KCNC1: variants seen among roughly 807,000 people sequenced by gnomAD.
KCNC1 encodes the protein potassium voltage-gated channel subfamily C member 1.
Under a neutral mutation model 43.4 loss-of-function variants are expected in KCNC1, and 8 were observed. The observed-to-expected ratio is 0.18, with a 90% CI of 0.11 to 0.33. The LOEUF is 0.33. Ranked by LOEUF, KCNC1 falls within the 10% of genes least tolerant of loss-of-function variation. The pLI, the probability that KCNC1 is intolerant of heterozygous loss-of-function variation, is 1.00. For missense variants in KCNC1, 420 were observed against 836.0 expected (o/e 0.50, Z 6.14); for synonymous variants, 361 against 360.5 (o/e 1.00, Z -0.01).
In KCNC1 at chr11:17,776,449, G is replaced by A. The variant is rs750282993; in HGVS notation, c.1505-3007G>A. ...TGGTGTGAACAGTAAGTACTTTGGCGGTGCCTGGAGACCAGGGCAGAAAAG... is the reference window on the plus strand; with the variant it reads ...TGGTGTGAACAGTAAGTACTTTGGCAGTGCCTGGAGACCAGGGCAGAAAAG... On this transcript the variant is annotated intron_variant, in intron 2 of 3. Coordinates refer to ENST00000265969, the MANE Select transcript of KCNC1 (RefSeq NM_001112741.2). The surrounding 1 kb of genome is among the most constrained non-coding windows in gnomAD (Gnocchi z 4.4). 324 of 985,404 alleles carry A rather than the reference G, an allele frequency of 3.3e-4. No individual in the cohort carries two copies. The highest frequency in any genetic ancestry group is 1.8e-3 in the Admixed American group (30 of 16,292). 61.0% of individuals were successfully genotyped at this position (985,404 alleles called of 1,614,324 possible).
intron 1 of KCNC1, among the ~76,000 whole-genome samples, chr11:17,740,568 A>G (rs1363209519): frequency 1.3e-5 from 2 of 152,054 alleles, no homozygotes; most frequent in African/African-American, 2.4e-5. Context: ...TCTGATTTGC[A>G]TGTCATCATC....
chr11:17,780,995 T>C (rs1009650560), intron 3 of KCNC1: 4 of 152,222 alleles, frequency 2.6e-5, no homozygotes, highest in African/African-American at 9.7e-5. Context: ...TTTTTCCCAG[T>C]TGGAGGTGCT....
chr11:17,748,639 A>C (rs977885352), intron 1 of KCNC1, among the ~76,000 whole-genome samples: 1 of 152,180 alleles, frequency 6.6e-6, no homozygotes, highest in African/African-American at 2.4e-5. Context: ...CCACCCCTAA[A>C]TCATGCAAAG....
At chr11:17,744,027 G>A (rs912294808) in intron 1 of KCNC1, among the ~76,000 whole-genome samples, 1 of 152,140 alleles carries the variant, frequency 6.6e-6, no homozygotes, top group African/African-American at 2.4e-5. Context: ...GCCCCGGTGT[G>A]TGGAGAGATG....
chr11:17,746,792 G>A (rs1440961643), intron 1 of KCNC1, among the ~76,000 whole-genome samples: 1 of 152,062 alleles, frequency 6.6e-6, no homozygotes, highest in African/African-American at 2.4e-5. Flanking sequence ...CTCTGCAAGA[G>A]CATAGCCCCT....
chr11:17,738,444 T>G (rs1169813937), intron 1 of KCNC1, among the ~76,000 whole-genome samples: 1 of 152,102 alleles, frequency 6.6e-6, no homozygotes, highest in African/African-American at 2.4e-5. Context: ...GGGCAGCATC[T>G]CCCCCACCAA....
intron 2 of KCNC1, chr11:17,775,391 A>G (rs1849274073): frequency 1.0e-6 from 1 of 985,536 alleles, no homozygotes; most frequent in Non-Finnish European, 1.2e-6. Context: ...CCCAGGGACA[A>G]TCTGGTCTCC....
At chr11:17,778,968 C>T (rs1468994424) in intron 2 of KCNC1, among the ~76,000 whole-genome samples, 1 of 151,922 alleles carries the variant, frequency 6.6e-6, no homozygotes, top group African/African-American at 2.4e-5. Flanking sequence ...TAGGGAAGCC[C>T]GAGCAACTGG....
At chr11:17,775,406 G>A in intron 2 of KCNC1, 5 of 985,576 alleles carry the variant, frequency 5.1e-6, no homozygotes, top group Non-Finnish European at 6.0e-6. Flanking sequence ...GTCTCCTCCT[G>A]TGTGCTGTGG....
intron 1 of KCNC1, among the ~76,000 whole-genome samples, chr11:17,746,565 C>G (rs1467206629): frequency 6.6e-6 from 1 of 152,106 alleles, no homozygotes; most frequent in Non-Finnish European, 1.5e-5. Flanking sequence ...CTCCTTGTCC[C>G]CTTTCCTCTG....
At position 17,779,576 on chromosome 11, in the gene KCNC1, G is replaced by C. The variant is rs1021551048; in HGVS notation, c.1625G>C (p.Arg542Thr). 1.3e-6 allele frequency: 2 copies of C among 1,551,592 alleles called. No homozygotes were observed. Among genetic ancestry groups the C allele is most frequent in the Admixed American group, 3.9e-5 (2 of 50,968 alleles). ...LPFTRSGTRERYGPCFLLSTG... is the reference protein window; with the variant it reads ...LPFTRSGTRETYGPCFLLSTG... ...TTTACGCGCTCGGGCACCCGCGAGA[G>C]ATACGGACCCTGCTTCCTCTTATCA... is the stretch of plus-strand genomic sequence containing the variant. Residue 542 changes from arginine (R) to threonine (T), a missense_variant, in exon 3 of 4, where the codon AGA (arginine) becomes ACA (threonine). Arg to Thr is a moderately conservative substitution (Grantham distance 71). Around this residue, in one of 5 missense-constraint regions of KCNC1, gnomAD observed 147 missense variants for 176.1 expected, o/e 0.83. Transcript: ENST00000265969. This position sits in a 1 kb window ranked among gnomAD's most constrained non-coding sequence, Gnocchi z 7.2.
chr11:17,760,711 G>A (rs567623517), intron 1 of KCNC1, among the ~76,000 whole-genome samples: 54 of 152,308 alleles, frequency 3.5e-4, no homozygotes, highest in Middle Eastern at 6.8e-3. Flanking sequence ...CGCGCTGCCT[G>A]CTGCTTAGGG....
chr11:17,777,562 C>G lies in KCNC1; in HGVS notation c.1505-1894C>G, dbSNP rs1011475883. ...GTGGGAGGCAGGACCAGCGTGTCTG[C>G]GAGCACACGTGTGTGCCTGCAGACA... On this transcript the variant is annotated intron_variant, in intron 2 of 3. Transcript: ENST00000265969. The surrounding 1 kb of genome is among the most constrained non-coding windows in gnomAD (Gnocchi z 4.3). 1.0e-6 allele frequency: 1 copy of G among 985,720 alleles called. No homozygotes were observed. The highest frequency in any genetic ancestry group is 1.7e-5 in the African/African-American group (1 of 57,238). The allele number at this position is 985,720 out of a possible 1,614,324, so 61.1% of individuals were successfully genotyped here.
Position 17,771,532 on chromosome 11 carries a change from G to A in KCNC1, c.571-133G>A, listed in dbSNP as rs1164732129. 5 of 787,540 alleles carry A rather than the reference G, an allele frequency of 6.3e-6. No individual in the cohort carries two copies. Among genetic ancestry groups the A allele is most frequent in the Admixed American group, 2.4e-5 (1 of 42,488 alleles). 48.8% of individuals were successfully genotyped at this position (787,540 alleles called of 1,614,324 possible). A position where few individuals can be genotyped will look rare whatever the true frequency, so the allele number is the denominator to read the frequency against. ...GCAGGCCCCCTGTGCCCTGAGGAGGGAAATGTAGCACGTGCTGCAGGGGGC... is the reference window on the plus strand; with the variant it reads ...GCAGGCCCCCTGTGCCCTGAGGAGGAAAATGTAGCACGTGCTGCAGGGGGC... On this transcript the variant is annotated intron_variant, in intron 1 of 3. Transcript: ENST00000265969. The surrounding 1 kb of genome is among the most constrained non-coding windows in gnomAD (Gnocchi z 4.7).
chr11:17,748,078 C>T (rs754668303), intron 1 of KCNC1, among the ~76,000 whole-genome samples: 2 of 152,192 alleles, frequency 1.3e-5, no homozygotes, highest in African/African-American at 2.4e-5. Context: ...GGGCAAAGAA[C>T]AAAACCACCA....
Position 17,771,817 on chromosome 11 carries a change from G to A in KCNC1, c.723G>A (p.Thr241=), listed in dbSNP as rs780073632. 5.0e-6 allele frequency: 8 copies of A among 1,614,094 alleles called. No homozygotes were observed. The East Asian group carries it at 1.1e-4, about 22-fold the overall frequency. The change falls in exon 2 of 4, where the codon ACG becomes ACA. Residue 241 remains threonine, a synonymous_variant. Coordinates refer to ENST00000265969, the MANE Select transcript of KCNC1 (RefSeq NM_001112741.2). This position sits in a 1 kb window ranked among gnomAD's most constrained non-coding sequence, Gnocchi z 4.7. ...TGCGCTACTACCGGGAGGCCGAGAC[G>A]GAGGCCTTCCTTACCTACATCGAGG... ...TQVRYYREAE[T]EAFLTYIEGV...
intron 1 of KCNC1, among the ~76,000 whole-genome samples, chr11:17,762,770 G>C (rs1467435354): frequency 6.6e-6 from 1 of 152,156 alleles, no homozygotes; most frequent in African/African-American, 2.4e-5. Flanking sequence ...TGGTCCTGCT[G>C]AGTGCTCTGC....
chr11:17,774,380 G>A (rs1484907504), intron 2 of KCNC1: 13 of 985,390 alleles, frequency 1.3e-5, no homozygotes, highest in East Asian at 1.1e-4. Context: ...CATCCTCCCC[G>A]ACACTGGATC....
chr11:17,737,072 C>A (rs1282509358), intron 1 of KCNC1, among the ~76,000 whole-genome samples: 3 of 152,116 alleles, frequency 2.0e-5, no homozygotes, highest in African/African-American at 7.2e-5. Flanking sequence ...CATGGTCCCC[C>A]AAAAAGGCCT....
Sources: gnomAD v4.1 joint callset for allele counts (sites outside exome capture counted in the v4.1 genomes callset) on GRCh38, gnomAD v4.1.1 for gene constraint, gnomAD v4.1.1 regional missense constraint, Gnocchi (gnomAD v3.1) non-coding constraint, MANE v1.5 for transcripts, NCBI Gene and HGNC (gene_info 2026-07-23, HGNC 2026-07-21) for gene names.